The following SGSM3 variants were observed in gnomAD, a reference collection of about 807,000 sequenced individuals.
The protein encoded by SGSM3 is RUN and SH3 containing 3.
In SGSM3, 96 loss-of-function variants were observed where a neutral mutation model predicts 100.5. The observed-to-expected ratio is 0.96, with a 90% CI of 0.81 to 1.13. The LOEUF is 1.13. Among genes scored for constraint, SGSM3 ranks in the 50% most tolerant of loss-of-function variants. The probability of loss-of-function intolerance (pLI) is 0.00; values close to 1 mark genes in which losing one functional copy is unlikely to be tolerated. For synonymous variants in SGSM3, 483 were observed against 422.8 expected (o/e 1.14, Z -1.75); for missense variants, 1,001 against 1,015.8 (o/e 0.99, Z 0.20).
chr22:40,406,298 G>C (rs1299853852), intron 9 of SGSM3, 75 bp downstream of exon 9: 24 of 1,585,532 alleles, frequency 1.5e-5, no homozygotes, highest in Non-Finnish European at 2.1e-5. Flanking sequence ...GACCTCCCTG[G>C]GCCAGGCAAG....
At chr22:40,390,597 G>T (rs1205963191) in intron 1 of SGSM3, 1 of 152,234 alleles carries the variant, frequency 6.6e-6, no homozygotes, top group East Asian at 1.9e-4. Context: ...CTGGGCCAAA[G>T]AACCTCTGAA....
intron 1 of SGSM3, among the ~76,000 whole-genome samples, chr22:40,385,450 G>C (rs1020967787): frequency 6.6e-6 from 1 of 152,138 alleles, no homozygotes; most frequent in African/African-American, 2.4e-5. Flanking sequence ...GATGCACAAA[G>C]GAAAAGAGTA....
At chr22:40,394,645 CAAAAAAAAA>C (rs34700924) in intron 1 of SGSM3, among the ~76,000 whole-genome samples, 1 of 84,132 alleles carries the variant, frequency 1.2e-5, no homozygotes, top group Admixed American at 1.2e-4. Context: ...ACTCCTGTCT[CAAAAAAAAA>C]AAAAAAAAAA....
chr22:40,380,191 G>A (rs183595631), intron 1 of SGSM3, among the ~76,000 whole-genome samples: 16 of 152,208 alleles, frequency 1.1e-4, no homozygotes, highest in African/African-American at 3.6e-4. Flanking sequence ...AAATGTTCTT[G>A]TATGACTATT....
intron 8 of SGSM3, 35 bp from the exon 9 acceptor site, chr22:40,406,043 C>G (rs367773293): frequency 1.2e-6 from 2 of 1,602,750 alleles, no homozygotes; most frequent in Non-Finnish European, 1.7e-6. Context: ...TTTCCACCAC[C>G]TCCTCCCCAG....
In SGSM3 at chr22:40,376,178, C is replaced by CTTTTTTTTTTTTT. The variant is rs10616868; in HGVS notation, c.-112+5510_-112+5522dup. 3 of 86,874 alleles carry CTTTTTTTTTTTTT rather than the reference C, an allele frequency of 3.5e-5. 1 individual carries two copies. Among genetic ancestry groups the CTTTTTTTTTTTTT allele is most frequent in the Non-Finnish European group, 6.8e-5 (3 of 44,354 alleles). 5.4% of individuals were successfully genotyped at this position (86,874 alleles called of 1,614,324 possible). Reference sequence around the variant, plus strand: ...GGATAGGGTTAAAGTCAAATTACCACTTTTTTTTTTTTTTTTTTTTTTTTT... The same window carrying CTTTTTTTTTTTTT: ...GGATAGGGTTAAAGTCAAATTACCACTTTTTTTTTTTTTTTTTTTTTTTTTTTTTTTTTTTTTT... On this transcript the variant is annotated intron_variant, in intron 1 of 21. Coordinates refer to ENST00000248929, the MANE Select transcript of SGSM3 (RefSeq NM_015705.6).
In SGSM3 at chr22:40,406,430, T is replaced by C. The variant is rs756718866; in HGVS notation, c.961-8T>C. The C allele has an allele frequency of 3.2e-6, 5 of 1,565,144 alleles. No homozygotes were observed. ...CTTCTTCCCCCATCCTGCCCTGGCA[T>C]GGCCCAGGAGGAAGAGCTGATCCAG... On this transcript the variant is annotated splice_region_variant and splice_polypyrimidine_tract_variant and intron_variant, in intron 9 of 21. Coordinates refer to ENST00000248929, the MANE Select transcript of SGSM3 (RefSeq NM_015705.6).
In SGSM3 at chr22:40,409,823, A is replaced by C; in HGVS notation, c.*64A>C. 1 of 1,558,780 alleles carries C rather than the reference A, an allele frequency of 6.4e-7. No homozygotes were observed. Among genetic ancestry groups the C allele is most frequent in the Non-Finnish European group, 8.6e-7 (1 of 1,158,634 alleles). On this transcript the variant is annotated 3_prime_UTR_variant, in exon 22 of 22. Coordinates refer to ENST00000248929, the MANE Select transcript of SGSM3 (RefSeq NM_015705.6). ...GGTGGCCCAGGACCCCAAGCTGCAG[A>C]GCCCAGGGAAGAGCAGCTCCAGAGC... is the stretch of plus-strand genomic sequence containing the variant.
intron 10 of SGSM3, 56 bp from the exon 11 acceptor site, chr22:40,406,961 G>A (rs2051638130): frequency 2.0e-6 from 3 of 1,516,970 alleles, no homozygotes; most frequent in Non-Finnish European, 2.7e-6. Flanking sequence ...CCAAGGGCTG[G>A]TGGGTTCTCT....
At chr22:40,408,462 C>A in intron 16 of SGSM3, 33 bp downstream of exon 16, 1 of 1,612,308 alleles carries the variant, frequency 6.2e-7, no homozygotes, top group Non-Finnish European at 8.5e-7. Context: ...GACCCCCACC[C>A]TGCACCAGCC....
At chr22:40,397,968 C>CTTTTTTTTTTTTTTT (rs1157147821) in intron 1 of SGSM3, among the ~76,000 whole-genome samples, 1 of 116,436 alleles carries the variant, frequency 8.6e-6, no homozygotes, top group Non-Finnish European at 1.7e-5. Context: ...CCAATTCTGT[C>CTTTTTTTTTTTTTTT]TTTTTTTTTT....
At chr22:40,406,879 AC>A in intron 10 of SGSM3, 137 bp from the exon 11 acceptor site, 1 of 1,000,816 alleles carries the variant, frequency 1.0e-6, no homozygotes, top group Non-Finnish European at 1.5e-6. Context: ...AGGAAGGCAG[AC>A]CCAGCTCTGA....
chr22:40,391,507 A>G (rs2049357577), intron 1 of SGSM3, among the ~76,000 whole-genome samples: 1 of 152,164 alleles, frequency 6.6e-6, no homozygotes. Flanking sequence ...GCTACTCAGG[A>G]GGCTGAGATG....
chr22:40,397,141 C>G (rs1406285442), intron 1 of SGSM3, among the ~76,000 whole-genome samples: 1 of 152,184 alleles, frequency 6.6e-6, no homozygotes, highest in Non-Finnish European at 1.5e-5. Context: ...AACCTGCCCA[C>G]CCAGCTTAAC....
chr22:40,383,911 A>C (rs1477131650), intron 1 of SGSM3, among the ~76,000 whole-genome samples: 1 of 152,144 alleles, frequency 6.6e-6, no homozygotes, highest in African/African-American at 2.4e-5. Flanking sequence ...GGTATTTTAG[A>C]GGTAAAATCA....
intron 1 of SGSM3, among the ~76,000 whole-genome samples, chr22:40,377,899 G>C (rs1366853630): frequency 6.6e-6 from 1 of 151,544 alleles, no homozygotes; most frequent in Non-Finnish European, 1.5e-5. Context: ...CTGAAGAGGA[G>C]AGAAATCTTG....
intron 8 of SGSM3, 76 bp downstream of exon 8, chr22:40,405,920 C>A: frequency 1.3e-6 from 2 of 1,494,070 alleles, no homozygotes; most frequent in Non-Finnish European, 1.8e-6. Context: ...GGGGATAGGG[C>A]ACAGCCCCCC....
intron 1 of SGSM3, chr22:40,373,028 T>C (rs898291308): frequency 1.3e-5 from 2 of 152,208 alleles, no homozygotes; most frequent in Non-Finnish European, 2.9e-5. Context: ...TCACATATTA[T>C]ACACAGACTT....
chr22:40,409,816 G>A lies in SGSM3; in HGVS notation c.*57G>A. ...CGTCTGAGGTGGCCCAGGACCCCAA[G>A]CTGCAGAGCCCAGGGAAGAGCAGCT... On this transcript the variant is annotated 3_prime_UTR_variant, in exon 22 of 22. Coordinates refer to ENST00000248929, the MANE Select transcript of SGSM3 (RefSeq NM_015705.6). 1 of 1,577,230 alleles carries A rather than the reference G, an allele frequency of 6.3e-7. No homozygotes were observed. The highest frequency in any genetic ancestry group is 1.1e-5 in the South Asian group (1 of 88,440).
Sources: allele counts gnomAD v4.1 joint callset (sites outside exome capture counted in the v4.1 genomes callset), GRCh38; gene constraint gnomAD v4.1.1; transcripts MANE v1.5; gene names NCBI Gene and HGNC (gene_info 2026-07-23, HGNC 2026-07-21).